The following PAPOLG variants were observed in gnomAD, a reference collection of about 807,000 sequenced individuals.
The protein encoded by PAPOLG is poly(A) polymerase gamma.
A neutral mutation model predicts 99.0 loss-of-function variants in PAPOLG; 40 were observed. The ratio of observed to expected loss-of-function variants is 0.40; its 90% CI spans 0.31 to 0.53. The LOEUF is 0.53. Among genes scored for constraint, PAPOLG ranks in the 20% least tolerant of loss-of-function variants. PAPOLG has a pLI of 0.41. For synonymous variants in PAPOLG, 310 were observed against 299.3 expected, an observed-to-expected ratio of 1.04 and a Z score of -0.37; for missense variants, 675 against 884.1, an observed-to-expected ratio of 0.76 and a Z score of 3.00.
intron 17 of PAPOLG, 66 bp from the exon 18 acceptor site, chr2:60,793,561 C>T (rs1043678793): frequency 6.4e-6 from 10 of 1,560,612 alleles, no homozygotes; most frequent in Admixed American, 1.8e-5. Flanking sequence ...GAGGCCTTTT[C>T]TCAAAAAAGG....
rs1671787966 is a variant in PAPOLG, at chr2:60,798,868, A to G, written c.*1708A>G. 6.6e-6 allele frequency: 1 copy of G among 152,374 alleles called. No homozygotes were observed. The highest frequency in any genetic ancestry group is 2.4e-5 in the African/African-American group (1 of 41,468). 9.4% of individuals were successfully genotyped at this position (152,374 alleles called of 1,614,324 possible). A position where few individuals can be genotyped will look rare whatever the true frequency, so the allele number is the denominator to read the frequency against. On this transcript the variant is annotated 3_prime_UTR_variant, in exon 22 of 22. Coordinates refer to ENST00000238714, the MANE Select transcript of PAPOLG (RefSeq NM_022894.4). ...CCATGGAAAACATGAAAAGAGTCTT[A>G]GAAGTAAAGAACAACAAGGAAAAAA...
rs201311181 is a variant in PAPOLG, at chr2:60,775,009, A to G, written c.605-25A>G. ...TAACTGAGAATTTGCTGCATAGTGA[A>G]AAATGAATGCTTTGTCTTTTTCAGG... is the stretch of plus-strand genomic sequence containing the variant. On this transcript the variant is annotated intron_variant, in intron 7 of 21. Transcript: ENST00000238714. 4.3e-5 allele frequency: 69 copies of G among 1,611,614 alleles called. No individual in the cohort carries two copies. In the African/African-American group the frequency reaches 8.3e-4, roughly 19 times the overall value.
At chr2:60,776,113 T>C (rs1166926618) in intron 8 of PAPOLG, among the ~76,000 whole-genome samples, 1 of 152,200 alleles carries the variant, frequency 6.6e-6, no homozygotes, top group African/African-American at 2.4e-5. Context: ...CCTTGATCCA[T>C]GGGCTATAGA....
chr2:60,774,661 T>C (rs377595929), intron 7 of PAPOLG, among the ~76,000 whole-genome samples: 38 of 152,164 alleles, frequency 2.5e-4, no homozygotes, highest in African/African-American at 9.2e-4. Flanking sequence ...TTTTATAGTG[T>C]CTTGTTTGAC....
chr2:60,765,850 G>A (rs1379831057), intron 3 of PAPOLG, among the ~76,000 whole-genome samples: 2 of 152,118 alleles, frequency 1.3e-5, no homozygotes, highest in African/African-American at 4.8e-5. Flanking sequence ...GCATGGTGGT[G>A]CATGCCTGTA....
At chr2:60,767,573 T>G (rs745550784) in intron 3 of PAPOLG, among the ~76,000 whole-genome samples, 6 of 152,174 alleles carry the variant, frequency 3.9e-5, no homozygotes, top group Non-Finnish European at 8.8e-5. Context: ...GTGCTGGGAT[T>G]ACAGGCATGA....
intron 7 of PAPOLG, among the ~76,000 whole-genome samples, chr2:60,772,256 A>G (rs926475528): frequency 6.6e-6 from 1 of 152,078 alleles, no homozygotes; most frequent in East Asian, 1.9e-4. Flanking sequence ...ACCAGCTAGG[A>G]TAACATGGTG....
At chr2:60,784,066 C>T (rs1229587770) in intron 13 of PAPOLG, among the ~76,000 whole-genome samples, 2 of 152,066 alleles carry the variant, frequency 1.3e-5, no homozygotes, top group African/African-American at 4.8e-5. Context: ...CTCCGCCTCC[C>T]GGGTTCAAGC....
In PAPOLG at chr2:60,774,883, C is replaced by T. The variant is rs1670970349; in HGVS notation, c.605-151C>T. ...ATTACCCTAAAGCAAACTGATTTCT[C>T]ATAAGTGGTAAATTTCATACACATA... is the stretch of plus-strand genomic sequence containing the variant. On this transcript the variant is annotated intron_variant, in intron 7 of 21. Coordinates refer to ENST00000238714, the MANE Select transcript of PAPOLG (RefSeq NM_022894.4). The T allele has an allele frequency of 4.7e-5, 63 of 1,347,820 alleles. 2 individuals are homozygous for T. The South Asian group carries it at 8.0e-4, about 17-fold the overall frequency. The allele number at this position is 1,347,820 out of a possible 1,614,324, so 83.5% of individuals were successfully genotyped here.
chr2:60,782,172 A>G (rs779901086), intron 11 of PAPOLG, among the ~76,000 whole-genome samples, 167 bp downstream of exon 11: 1 of 152,206 alleles, frequency 6.6e-6, no homozygotes, highest in Non-Finnish European at 1.5e-5. Context: ...TCAAAAGTAT[A>G]TGATAATATT....
At chr2:60,770,705 C>G (rs1410223375) in intron 6 of PAPOLG, among the ~76,000 whole-genome samples, 194 bp downstream of exon 6, 2 of 151,782 alleles carry the variant, frequency 1.3e-5, no homozygotes, top group Admixed American at 6.6e-5. Flanking sequence ...CTCACTGCAC[C>G]TTTGAGCACC....
chr2:60,783,266 A>G (rs1671249918), intron 13 of PAPOLG, 57 bp downstream of exon 13: 1 of 1,009,888 alleles, frequency 9.9e-7, no homozygotes, highest in Non-Finnish European at 1.4e-6. Context: ...ACTTATTTAT[A>G]TGGTGCTTTA....
chr2:60,757,081 G>C (rs965745544), intron 1 of PAPOLG, among the ~76,000 whole-genome samples: 1 of 151,580 alleles, frequency 6.6e-6, no homozygotes. Context: ...TCCCGTACTT[G>C]GCAAGATTTT....
chr2:60,778,753 G>C (rs1434096084), intron 8 of PAPOLG, among the ~76,000 whole-genome samples: 11 of 152,140 alleles, frequency 7.2e-5, no homozygotes, highest in Non-Finnish European at 1.2e-4. Context: ...GTATACTTAA[G>C]ATAAAGTAAA....
chr2:60,792,313 C>G, intron 17 of PAPOLG, 24 bp downstream of exon 17: 1 of 1,565,632 alleles, frequency 6.4e-7, no homozygotes, highest in Non-Finnish European at 8.7e-7. Context: ...TCAAATGTGT[C>G]CTTTTGGTTT....
At chr2:60,788,827 C>T (rs1671444324) in intron 15 of PAPOLG, among the ~76,000 whole-genome samples, 1 of 151,898 alleles carries the variant, frequency 6.6e-6, no homozygotes, top group African/African-American at 2.4e-5. Flanking sequence ...GAAACCCCAT[C>T]TCTACAAAAA....
At chr2:60,782,424 G>A (rs1429115145) in intron 11 of PAPOLG, among the ~76,000 whole-genome samples, 22 of 151,906 alleles carry the variant, frequency 1.4e-4, no homozygotes. Flanking sequence ...GGAAGTGGTG[G>A]TGGGCACCTG....
chr2:60,794,830 G>A, intron 20 of PAPOLG, 55 bp downstream of exon 20: 1 of 1,541,744 alleles, frequency 6.5e-7, no homozygotes, highest in Non-Finnish European at 8.9e-7. Context: ...CCATGTATCA[G>A]GAAAAGTGCC....
In PAPOLG at chr2:60,794,956, G is replaced by A. The variant is rs1414721694; in HGVS notation, c.2056-8G>A. The A allele has an allele frequency of 1.2e-6, 2 of 1,612,424 alleles. No homozygotes were observed. Among genetic ancestry groups the A allele is most frequent in the Admixed American group, 3.4e-5 (2 of 59,454 alleles). ...AGTTTTCACTTGTGTTGATTCTTCTGTTTTTAGGATGCCATTGGAGGAGAA... is the reference window on the plus strand; with the variant it reads ...AGTTTTCACTTGTGTTGATTCTTCTATTTTTAGGATGCCATTGGAGGAGAA... On this transcript the variant is annotated splice_polypyrimidine_tract_variant and splice_region_variant and intron_variant, in intron 20 of 21. Transcript: ENST00000238714.
Sources: allele counts gnomAD v4.1 joint callset (sites outside exome capture counted in the v4.1 genomes callset), GRCh38; gene constraint gnomAD v4.1.1; transcripts MANE v1.5; gene names NCBI Gene and HGNC (gene_info 2026-07-23, HGNC 2026-07-21).